The following ICAM1 variants were observed in gnomAD, a reference collection of about 807,000 sequenced individuals.
ICAM1 encodes ICAM-1.
ICAM1 carries 28 observed loss-of-function variants against 42.3 expected under a neutral mutation model. That is an observed-to-expected ratio of 0.66 (90% CI 0.49 to 0.91). The LOEUF (loss-of-function observed/expected upper bound fraction) is 0.91, where lower values mean the gene tolerates loss of function less well. Ranked by LOEUF, ICAM1 falls within the 40% of genes least tolerant of loss-of-function variation. The pLI is 0.00. For synonymous variants in ICAM1, 304 were observed against 305.9 expected (o/e 0.99, Z 0.07); for missense variants, 637 against 688.6 (o/e 0.93, Z 0.84).
At position 10,271,195 on chromosome 19, in the gene ICAM1, A is replaced by C; in HGVS notation, c.36A>C (p.Ala12=). 6.2e-7 allele frequency: 1 copy of C among 1,612,858 alleles called. No individual in the cohort carries two copies. The highest frequency in any genetic ancestry group is 8.5e-7 in the Non-Finnish European group (1 of 1,179,718). The part of the protein sequence containing the change: ...APSSPRPALP[A]LLVLLGALFP... ...GCAGCCCCCGGCCCGCGCTGCCCGC[A>C]CTCCTGGTCCTGCTCGGGGCTCTGT... The change falls in exon 1 of 7, where the codon GCA becomes GCC. Residue 12 remains alanine, a synonymous_variant. Transcript: ENST00000264832.
At chr19:10,283,952 G>C (rs1204210815) in intron 3 of ICAM1, 81 bp from the exon 4 acceptor site, 1 of 1,512,268 alleles carries the variant, frequency 6.6e-7, no homozygotes. Context: ...AGAGGATCTC[G>C]CAGGAGGGGG....
At chr19:10,283,438 A>T in intron 2 of ICAM1, 43 bp from the exon 3 acceptor site, 1 of 1,509,318 alleles carries the variant, frequency 6.6e-7, no homozygotes, top group South Asian at 1.3e-5. Flanking sequence ...GGCAGGCAGC[A>T]AGGTCCACTT....
At chr19:10,275,540 T>C (rs1312666909) in intron 2 of ICAM1, among the ~76,000 whole-genome samples, 1 of 152,042 alleles carries the variant, frequency 6.6e-6, no homozygotes, top group African/African-American at 2.4e-5. Context: ...TCTTTGAACA[T>C]ATGACACGGT....
intron 2 of ICAM1, among the ~76,000 whole-genome samples, chr19:10,277,161 T>C (rs1303406152): frequency 6.6e-6 from 1 of 151,836 alleles, no homozygotes. Flanking sequence ...GGAGAGGGCT[T>C]GGGTGTGGAG....
At chr19:10,279,845 A>G (rs930704222) in intron 2 of ICAM1, among the ~76,000 whole-genome samples, 1 of 148,112 alleles carries the variant, frequency 6.8e-6, no homozygotes, top group Admixed American at 6.9e-5. Context: ...AGCCCAGGTG[A>G]CAGAGAGAGA....
At position 10,285,586 on chromosome 19, in the gene ICAM1, G is replaced by A. The variant is rs1353771222; in HGVS notation, c.*299G>A. The A allele has an allele frequency of 1.1e-5, 4 of 350,674 alleles. No homozygotes were observed. Among genetic ancestry groups the A allele is most frequent in the Admixed American group, 4.5e-5 (1 of 22,342 alleles). The allele number at this position is 350,674 out of a possible 1,614,324, so 21.7% of individuals were successfully genotyped here. On this transcript the variant is annotated 3_prime_UTR_variant, in exon 7 of 7. Transcript: ENST00000264832. ...AGCCTGATGAGAGGGGAAGTGGTGG[G>A]GGAGACATAGCCCCACCATGAGGAC...
At position 10,271,334 on chromosome 19, in the gene ICAM1, G is replaced by A. The variant is rs2145486226; in HGVS notation, c.67+108G>A. On this transcript the variant is annotated intron_variant, in intron 1 of 6. Coordinates refer to ENST00000264832, the MANE Select transcript of ICAM1 (RefSeq NM_000201.3). ...AGGTAGCTGTTTATGGGAAGGAGGG[G>A]CTAGAGACAGCGATTGAAAGGCAAC... 5.5e-6 allele frequency: 5 copies of A among 913,946 alleles called. No individual in the cohort carries two copies. The Admixed American group carries it at 8.1e-5, about 15-fold the overall frequency. 56.6% of individuals were successfully genotyped at this position (913,946 alleles called of 1,614,324 possible).
Position 10,281,755 on chromosome 19 carries a change from ACT to A in ICAM1, c.332-1722_332-1721del, listed in dbSNP as rs1413858649. Among the ~76,000 whole-genome samples, 6 of 129,438 alleles carry A rather than the reference ACT, an allele frequency of 4.6e-5. No individual in the cohort carries two copies. In the East Asian group the frequency reaches 1.1e-3, roughly 24 times the overall value. 84.9% of individuals were successfully genotyped at this position (129,438 alleles called of 152,430 possible). On this transcript the variant is annotated intron_variant, in intron 2 of 6. Coordinates refer to ENST00000264832, the MANE Select transcript of ICAM1 (RefSeq NM_000201.3). ...TTTTTTTTTTTTTCCTCTGAGAGAG[ACT>A]CTCACTCTGTCACTCAGTCTAGAGT...
At chr19:10,282,071 CTT>C (rs35660845) in intron 2 of ICAM1, among the ~76,000 whole-genome samples, 2 of 144,720 alleles carry the variant, frequency 1.4e-5, no homozygotes, top group Non-Finnish European at 1.5e-5. Flanking sequence ...TCATTACTGA[CTT>C]TTTTTTTTTT....
chr19:10,284,759 T>C lies in ICAM1; in HGVS notation c.1181-24T>C. 6.2e-7 allele frequency: 1 copy of C among 1,607,362 alleles called. No individual in the cohort carries two copies. Among genetic ancestry groups the C allele is most frequent in the East Asian group, 2.2e-5 (1 of 44,848 alleles). On this transcript the variant is annotated intron_variant, in intron 5 of 6. Coordinates refer to ENST00000264832, the MANE Select transcript of ICAM1 (RefSeq NM_000201.3). This position sits in a 1 kb window ranked among gnomAD's most constrained non-coding sequence, Gnocchi z 5.4. ...CAAGTCCTGCCCCCACCCACCTCCA[T>C]GTCATCTCATCGTGTTTTTCCAGAT...
chr19:10,274,247 C>T (rs2040001690), intron 1 of ICAM1, among the ~76,000 whole-genome samples: 1 of 151,994 alleles, frequency 6.6e-6, no homozygotes, highest in African/African-American at 2.4e-5. Flanking sequence ...TCTATTCTAT[C>T]ACCCTGTTTT....
At chr19:10,281,708 C>T (rs2040060282) in intron 2 of ICAM1, among the ~76,000 whole-genome samples, 1 of 149,258 alleles carries the variant, frequency 6.7e-6, no homozygotes, top group African/African-American at 2.5e-5. Flanking sequence ...GCAGGACCCC[C>T]CCGGTCCTGA....
At chr19:10,278,548 C>CTGTTTTTT (rs2040032329) in intron 2 of ICAM1, among the ~76,000 whole-genome samples, 1 of 41,746 alleles carries the variant, frequency 2.4e-5, no homozygotes, top group Non-Finnish European at 4.2e-5. Flanking sequence ...CCTGATAGGT[C>CTGTTTTTT]TTTTTTTTTT....
chr19:10,279,592 T>C (rs1354719899), intron 2 of ICAM1, among the ~76,000 whole-genome samples: 5 of 152,094 alleles, frequency 3.3e-5, no homozygotes, highest in African/African-American at 4.8e-5. Flanking sequence ...CAACCGATTC[T>C]GCTGCCTGAG....
At chr19:10,278,988 AAAGTT>A (rs2040036766) in intron 2 of ICAM1, among the ~76,000 whole-genome samples, 1 of 152,164 alleles carries the variant, frequency 6.6e-6, no homozygotes, top group South Asian at 2.1e-4. Flanking sequence ...CAAAGGAGTA[AAAGTT>A]ATGTGGGAGG....
intron 1 of ICAM1, among the ~76,000 whole-genome samples, chr19:10,273,446 C>G (rs969464283): frequency 6.7e-6 from 1 of 150,368 alleles, no homozygotes. Context: ...GAACTGAGAT[C>G]GTGCCATTGC....
Position 10,285,356 on chromosome 19 carries a change from A to T in ICAM1, c.*69A>T. The T allele has an allele frequency of 6.9e-7, 1 of 1,444,290 alleles. No homozygotes were observed. Among genetic ancestry groups the T allele is most frequent in the South Asian group, 1.2e-5 (1 of 80,542 alleles). 89.5% of individuals were successfully genotyped at this position (1,444,290 alleles called of 1,614,324 possible). ...GTGGCAGTGGTGCCACACTGAACAG[A>T]GTGGAAGACATATGCCATGCAGCTA... On this transcript the variant is annotated 3_prime_UTR_variant, in exon 7 of 7. Transcript: ENST00000264832.
At chr19:10,276,558 A>AAG (rs1454068047) in intron 2 of ICAM1, among the ~76,000 whole-genome samples, 1 of 151,492 alleles carries the variant, frequency 6.6e-6, no homozygotes, top group Admixed American at 6.6e-5. Flanking sequence ...AAAAAAAAAA[A>AAG]AAAAAAGAAT....
At chr19:10,273,662 T>TAA in intron 1 of ICAM1, among the ~76,000 whole-genome samples, 1 of 143,506 alleles carries the variant, frequency 7.0e-6, no homozygotes, top group East Asian at 2.0e-4. Context: ...GAGACCCGTT[T>TAA]AAAAAAAAAA....
Sources: gnomAD v4.1 joint callset for allele counts (sites outside exome capture counted in the v4.1 genomes callset) on GRCh38, gnomAD v4.1.1 for gene constraint, Gnocchi (gnomAD v3.1) non-coding constraint, MANE v1.5 for transcripts, NCBI Gene and HGNC (gene_info 2026-07-23, HGNC 2026-07-21) for gene names.